TNFSF8: variants seen among roughly 807,000 people sequenced by gnomAD.
TNFSF8 encodes the protein tumor necrosis factor ligand superfamily member 8.
Under a neutral mutation model 22.0 loss-of-function variants are expected in TNFSF8, and 4 were observed. That is an observed-to-expected ratio of 0.18 (90% CI 0.09 to 0.42). The LOEUF is 0.42. Ranked by LOEUF, TNFSF8 falls within the 10% of genes least tolerant of loss-of-function variation. The probability of loss-of-function intolerance (pLI) is 1.00; values close to 1 mark genes in which losing one functional copy is unlikely to be tolerated. For missense variants in TNFSF8, 233 were observed against 281.8 expected, an observed-to-expected ratio of 0.83 and a Z score of 1.24; for synonymous variants, 106 against 112.5, an observed-to-expected ratio of 0.94 and a Z score of 0.37.
intron 1 of TNFSF8, among the ~76,000 whole-genome samples, chr9:114,925,394 G>T (rs907931302): frequency 1.9e-4 from 29 of 152,160 alleles, no homozygotes; most frequent in Admixed American, 1.5e-3. Flanking sequence ...CATGTTCCAC[G>T]GGATGGGCTG....
chr9:114,897,089 C>T (rs549496048), downstream of TNFSF8, among the ~76,000 whole-genome samples: 199 of 152,076 alleles, frequency 1.3e-3, no homozygotes, highest in African/African-American at 4.4e-3. Context: ...TTAGTAGAGA[C>T]GGGGTTTCTC....
downstream of TNFSF8, among the ~76,000 whole-genome samples, chr9:114,899,408 G>GA (rs759187982): frequency 1.1e-4 from 16 of 146,694 alleles, no homozygotes; most frequent in Non-Finnish European, 2.4e-4. Context: ...GGTCATGGTA[G>GA]AAAAAAAACC....
In TNFSF8 at chr9:114,904,335, G is replaced by A. The variant is rs1171013064; in HGVS notation, c.311-10C>T. The A allele has an allele frequency of 6.3e-7, 1 of 1,589,462 alleles. No homozygotes were observed. On this transcript the variant is annotated splice_polypyrimidine_tract_variant and intron_variant, in intron 3 of 3. Coordinates refer to ENST00000223795, the MANE Select transcript of TNFSF8 (RefSeq NM_001244.4). ...TTTAGATGCTTTGCCACTAGAAAGA[G>A]AAGTATAGAAAACAGAATTATTGAG...
Position 114,918,746 on chromosome 9 carries a change from A to ACC in TNFSF8, c.196-610_196-609dup, listed in dbSNP as rs1827950405. 2.0e-5 allele frequency among the ~76,000 whole-genome samples: 3 copies of ACC among 152,314 alleles called. No homozygotes were observed. The South Asian group carries it at 6.2e-4, about 32-fold the overall frequency. The stretch of plus-strand genomic sequence containing the variant: ...CTCCAGAGTAGCTGGGACTACAGGC[A>ACC]CCCACCACCACACCCAGCTAAGTTT... On this transcript the variant is annotated intron_variant, in intron 1 of 3. Transcript: ENST00000223795.
At chr9:114,914,461 T>G (rs1363964145) in intron 2 of TNFSF8, among the ~76,000 whole-genome samples, 1 of 152,198 alleles carries the variant, frequency 6.6e-6, no homozygotes, top group Non-Finnish European at 1.5e-5. Flanking sequence ...GACATGAGAT[T>G]CAAAATTTGG....
At chr9:114,927,791 T>G (rs760561523) in intron 1 of TNFSF8, among the ~76,000 whole-genome samples, 21 of 152,314 alleles carry the variant, frequency 1.4e-4, no homozygotes, top group Non-Finnish European at 2.6e-4. Context: ...ACTCATTCCA[T>G]TTTTAATAAT....
intron 2 of TNFSF8, among the ~76,000 whole-genome samples, chr9:114,917,268 AG>A (rs1827931249): frequency 6.6e-6 from 1 of 152,164 alleles, no homozygotes; most frequent in African/African-American, 2.4e-5. Flanking sequence ...TTTGCCATCT[AG>A]GTTCTAAAGG....
At chr9:114,912,509 C>T (rs1205807195) in intron 2 of TNFSF8, among the ~76,000 whole-genome samples, 2 of 152,218 alleles carry the variant, frequency 1.3e-5, no homozygotes, top group African/African-American at 2.4e-5. Flanking sequence ...CCTGCCTCAG[C>T]CTCTTGAGTA....
At chr9:114,918,456 T>C (rs1827947309) in intron 1 of TNFSF8, among the ~76,000 whole-genome samples, 1 of 148,850 alleles carries the variant, frequency 6.7e-6, no homozygotes, top group Admixed American at 6.7e-5. Context: ...GCTGGGACTT[T>C]TTTTTTTTTT....
chr9:114,896,147 A>G (rs901806874), downstream of TNFSF8, among the ~76,000 whole-genome samples: 4 of 152,228 alleles, frequency 2.6e-5, no homozygotes, highest in Non-Finnish European at 5.9e-5. Context: ...CTTACCAGAA[A>G]AAGTCAACCA....
chr9:114,906,487 A>G (rs1028406293), intron 2 of TNFSF8, among the ~76,000 whole-genome samples: 1 of 152,244 alleles, frequency 6.6e-6, no homozygotes, highest in African/African-American at 2.4e-5. Context: ...GAGGTGGTCA[A>G]TACCATCGCC....
chr9:114,909,744 A>G (rs905517121), intron 2 of TNFSF8, among the ~76,000 whole-genome samples: 1 of 152,142 alleles, frequency 6.6e-6, no homozygotes, highest in African/African-American at 2.4e-5. Context: ...TGCATTACCC[A>G]AGGTAGGAGA....
intron 1 of TNFSF8, among the ~76,000 whole-genome samples, chr9:114,920,656 G>A (rs531198539): frequency 5.3e-5 from 8 of 152,010 alleles, no homozygotes; most frequent in Non-Finnish European, 1.0e-4. Context: ...AGATTTGGGG[G>A]GAGTTTAACA....
At chr9:114,911,319 ACT>A (rs747858511) in intron 2 of TNFSF8, among the ~76,000 whole-genome samples, 2 of 152,050 alleles carry the variant, frequency 1.3e-5, no homozygotes, top group African/African-American at 2.4e-5. Context: ...TATCCTAATG[ACT>A]CTGCATCTGC....
chr9:114,905,690 T>G, intron 3 of TNFSF8, 138 bp downstream of exon 3: 2 of 725,162 alleles, frequency 2.8e-6, no homozygotes, highest in South Asian at 1.6e-5. Flanking sequence ...ACAAAAAAAT[T>G]TCCTGCAGAC....
chr9:114,920,866 G>A (rs1325460941), intron 1 of TNFSF8, among the ~76,000 whole-genome samples: 5 of 151,980 alleles, frequency 3.3e-5, no homozygotes, highest in African/African-American at 1.2e-4. Flanking sequence ...ACGGGATTTC[G>A]CCATGTTGAC....
intron 1 of TNFSF8, among the ~76,000 whole-genome samples, chr9:114,921,834 C>T (rs957823134): frequency 1.4e-4 from 22 of 152,176 alleles, no homozygotes; most frequent in Non-Finnish European, 3.1e-4. Flanking sequence ...ACTTTGTCTC[C>T]GTGGTTATCA....
At chr9:114,913,344 G>GGCACAT (rs1827875344) in intron 2 of TNFSF8, among the ~76,000 whole-genome samples, 1 of 152,172 alleles carries the variant, frequency 6.6e-6, no homozygotes, top group African/African-American at 2.4e-5. Flanking sequence ...ATTGTCCCAA[G>GGCACAT]GCACATGACC....
chr9:114,914,882 A>C (rs545406402), intron 2 of TNFSF8, among the ~76,000 whole-genome samples: 2 of 152,280 alleles, frequency 1.3e-5, no homozygotes, highest in South Asian at 2.1e-4. Flanking sequence ...TTCATTACCC[A>C]AAAGGGTTTG....
Sources: allele counts gnomAD v4.1 joint callset (sites outside exome capture counted in the v4.1 genomes callset), GRCh38; gene constraint gnomAD v4.1.1; transcripts MANE v1.5; gene names NCBI Gene and HGNC (gene_info 2026-07-23, HGNC 2026-07-21).